Variants in PPP1R13B observed in about 807,000 individuals in gnomAD.
PPP1R13B encodes protein phosphatase 1 regulatory subunit 13B.
PPP1R13B carries 44 observed loss-of-function variants against 119.8 expected under a neutral mutation model. The ratio of observed to expected loss-of-function variants is 0.37; its 90% CI spans 0.29 to 0.47. PPP1R13B has a LOEUF of 0.47. Among genes scored for constraint, PPP1R13B ranks in the 20% least tolerant of loss-of-function variants. The pLI, the probability that PPP1R13B is intolerant of heterozygous loss-of-function variation, is 0.99. For missense variants in PPP1R13B, 1,227 were observed against 1,413.5 expected (o/e 0.87, Z 2.12); for synonymous variants, 542 against 561.5 (o/e 0.97, Z 0.49).
intron 5 of PPP1R13B, among the ~76,000 whole-genome samples, chr14:103,756,346 T>C (rs145011506): frequency 0.012 from 1,878 of 152,226 alleles, 45 homozygotes; most frequent in African/African-American, 0.043. Flanking sequence ...TGCCTCGGCC[T>C]CCCAAAGTGC....
Position 103,742,646 on chromosome 14 carries a change from AGGCCTACC to A in PPP1R13B, c.1320_1320+7del. The A allele has an allele frequency of 6.2e-7, 1 of 1,612,746 alleles. No individual in the cohort carries two copies. Among genetic ancestry groups the A allele is most frequent in the Non-Finnish European group, 8.5e-7 (1 of 1,179,474 alleles). Reference sequence around the variant, plus strand: ...CGCTTGTGTTCTGTGGTAAAGACACAGGCCTACCGGCTTCTCCGTGGGTCCCAGTGCTG... The same window carrying A: ...CGCTTGTGTTCTGTGGTAAAGACACAGGCTTCTCCGTGGGTCCCAGTGCTG... On this transcript the variant is annotated splice_donor_variant and splice_donor_5th_base_variant and coding_sequence_variant and intron_variant, in exon 10 of 17. Transcript: ENST00000202556. LOFTEE classifies it high-confidence loss of function. This position sits in a 1 kb window ranked among gnomAD's most constrained non-coding sequence, Gnocchi z 4.9.
chr14:103,766,745 C>G (rs1350562369), intron 4 of PPP1R13B, among the ~76,000 whole-genome samples: 1 of 152,110 alleles, frequency 6.6e-6, no homozygotes, highest in Non-Finnish European at 1.5e-5. Context: ...GTAGCTGGCA[C>G]TACAAGTGCG....
intron 4 of PPP1R13B, among the ~76,000 whole-genome samples, chr14:103,776,682 C>T (rs1007068896): frequency 1.3e-5 from 2 of 152,194 alleles, no homozygotes; most frequent in East Asian, 3.9e-4. Flanking sequence ...ACCATCTTGG[C>T]TAACACGGTG....
At position 103,742,936 on chromosome 14, in the gene PPP1R13B, G is replaced by A; in HGVS notation, c.1151-113C>T. 8.0e-7 allele frequency: 1 copy of A among 1,250,254 alleles called. No homozygotes were observed. The highest frequency in any genetic ancestry group is 1.1e-6 in the Non-Finnish European group (1 of 890,044). The allele number at this position is 1,250,254 out of a possible 1,614,324, so 77.4% of individuals were successfully genotyped here. A position where few individuals can be genotyped will look rare whatever the true frequency, so the allele number is the denominator to read the frequency against. On this transcript the variant is annotated intron_variant, in intron 9 of 16. Coordinates refer to ENST00000202556, the MANE Select transcript of PPP1R13B (RefSeq NM_015316.3). This position sits in a 1 kb window ranked among gnomAD's most constrained non-coding sequence, Gnocchi z 4.9. ...CACTGGGACATCCCATTCTGATGCAGATCCATTAACCGAGTGGTCAACCAC... is the reference window on the plus strand; with the variant it reads ...CACTGGGACATCCCATTCTGATGCAAATCCATTAACCGAGTGGTCAACCAC...
chr14:103,785,049 G>A, intron 2 of PPP1R13B, 135 bp from the exon 3 acceptor site: 1 of 729,546 alleles, frequency 1.4e-6, no homozygotes, highest in Non-Finnish European at 2.0e-6. Context: ...GATATTACAA[G>A]CACTGAATTT....
intron 7 of PPP1R13B, 135 bp from the exon 8 acceptor site, chr14:103,750,069 G>T: frequency 1.1e-6 from 1 of 910,494 alleles, no homozygotes; most frequent in Non-Finnish European, 1.6e-6. Flanking sequence ...CACCTTGTGT[G>T]GAATATTTCA....
intron 2 of PPP1R13B, 148 bp from the exon 3 acceptor site, chr14:103,785,062 A>G (rs767217587): frequency 1.3e-4 from 84 of 656,504 alleles, no homozygotes; most frequent in Non-Finnish European, 4.0e-5. Flanking sequence ...CTGAATTTCA[A>G]CATTACTGAG....
intron 1 of PPP1R13B, among the ~76,000 whole-genome samples, chr14:103,845,061 G>A (rs1290911902): frequency 6.6e-6 from 1 of 152,100 alleles, no homozygotes; most frequent in Non-Finnish European, 1.5e-5. Context: ...TTTTCAACTT[G>A]TTTCATGTAG....
At chr14:103,809,999 G>A (rs2086110694) in intron 1 of PPP1R13B, among the ~76,000 whole-genome samples, 2 of 150,476 alleles carry the variant, frequency 1.3e-5, no homozygotes, top group South Asian at 4.4e-4. Context: ...GCTAATTTTT[G>A]TATTTTTAGT....
At chr14:103,753,241 CTTT>C (rs35740460) in intron 6 of PPP1R13B, 45 bp from the exon 7 acceptor site, 3 of 1,296,816 alleles carry the variant, frequency 2.3e-6, no homozygotes, top group Non-Finnish European at 2.1e-6. Context: ...TTAGTTGATC[CTTT>C]TTTTTTTTCA....
rs572787725 is a variant in PPP1R13B at position 103,801,009 on chromosome 14, C to G, written c.10-3491G>C. ...GGGATTACAAGCATGCACCAACACA[C>G]CCAGCTAATTCTGTATTTTTAGTAG... On this transcript the variant is annotated intron_variant, in intron 1 of 16. Transcript: ENST00000202556. 3.3e-5 allele frequency among the ~76,000 whole-genome samples: 5 copies of G among 152,182 alleles called. No individual in the cohort carries two copies. The South Asian group carries it at 1.0e-3, about 32-fold the overall frequency.
chr14:103,846,930 C>T, intron 1 of PPP1R13B: 1 of 1,163,328 alleles, frequency 8.6e-7, no homozygotes, highest in Non-Finnish European at 1.1e-6. Context: ...ACTCCCAGGG[C>T]GACCCCAGAA....
chr14:103,819,734 C>T (rs547479129), intron 1 of PPP1R13B, among the ~76,000 whole-genome samples: 1 of 147,400 alleles, frequency 6.8e-6, no homozygotes, highest in South Asian at 2.2e-4. Flanking sequence ...TGCCAAGGTC[C>T]CCAGAGCTCC....
intron 8 of PPP1R13B, among the ~76,000 whole-genome samples, chr14:103,747,711 C>G (rs770520863): frequency 2.0e-5 from 3 of 152,172 alleles, no homozygotes; most frequent in Non-Finnish European, 4.4e-5. Flanking sequence ...CATTGTTATG[C>G]CTTTGCATCC....
At chr14:103,796,576 T>C (rs2085762592) in intron 2 of PPP1R13B, among the ~76,000 whole-genome samples, 1 of 152,200 alleles carries the variant, frequency 6.6e-6, no homozygotes, top group African/African-American at 2.4e-5. Flanking sequence ...CTGGTGGTTC[T>C]TGAAAAGGTT....
rs756662154 is a variant in PPP1R13B, at chr14:103,739,027, T to C, written c.2593-4A>G. The C allele has an allele frequency of 5.0e-6, 8 of 1,611,328 alleles. No homozygotes were observed. In the East Asian group the frequency reaches 1.6e-4, roughly 31 times the overall value. On this transcript the variant is annotated splice_region_variant and splice_polypyrimidine_tract_variant and intron_variant, in intron 12 of 16. Coordinates refer to ENST00000202556, the MANE Select transcript of PPP1R13B (RefSeq NM_015316.3). ...TCTTCAAGTTGGTCCGCTTGTTCTG[T>C]TGGGAAGGAAGCACGCTTTCCAGTT...
At chr14:103,841,228 T>A (rs955892485) in intron 1 of PPP1R13B, among the ~76,000 whole-genome samples, 1 of 151,466 alleles carries the variant, frequency 6.6e-6, no homozygotes, top group African/African-American at 2.4e-5. Context: ...GAGGTTGCAG[T>A]GGGCTGAGAG....
At chr14:103,788,281 T>C (rs540891054) in intron 2 of PPP1R13B, among the ~76,000 whole-genome samples, 2 of 152,304 alleles carry the variant, frequency 1.3e-5, no homozygotes, top group African/African-American at 4.8e-5. Context: ...TCAGACTTAC[T>C]GTTACCTTAG....
intron 1 of PPP1R13B, among the ~76,000 whole-genome samples, chr14:103,800,609 T>A (rs1246581327): frequency 1.3e-5 from 2 of 150,694 alleles, no homozygotes; most frequent in East Asian, 4.0e-4. Flanking sequence ...GAGCCAAGAT[T>A]GCACCATTTC....
Sources: gnomAD v4.1 joint callset for allele counts (sites outside exome capture counted in the v4.1 genomes callset) on GRCh38, gnomAD v4.1.1 for gene constraint, Gnocchi (gnomAD v3.1) non-coding constraint, MANE v1.5 for transcripts, NCBI Gene and HGNC (gene_info 2026-07-23, HGNC 2026-07-21) for gene names.